Variants in PAPPA2 observed in about 807,000 individuals in gnomAD.
The protein encoded by PAPPA2 is pappalysin 2.
A neutral mutation model predicts 176.4 loss-of-function variants in PAPPA2; 86 were observed. The observed-to-expected ratio is 0.49, with a 90% confidence interval of 0.41 to 0.58. The LOEUF is 0.58. Ranked by LOEUF, PAPPA2 falls within the 20% of genes least tolerant of loss-of-function variation. The pLI, the probability that PAPPA2 is intolerant of heterozygous loss-of-function variation, is 0.00. For synonymous variants in PAPPA2, 809 were observed against 852.2 expected (o/e 0.95, Z 0.88); for missense variants, 2,073 against 2,256.9 (o/e 0.92, Z 1.65).
intron 3 of PAPPA2, among the ~76,000 whole-genome samples, chr1:176,626,868 C>G (rs2102702247): frequency 6.7e-6 from 1 of 149,302 alleles, no homozygotes; most frequent in South Asian, 2.1e-4. Flanking sequence ...GTGTGAACAG[C>G]TGAAGATATA....
chr1:176,651,283 A>T (rs1657705330), intron 3 of PAPPA2, among the ~76,000 whole-genome samples: 1 of 151,110 alleles, frequency 6.6e-6, no homozygotes, highest in Non-Finnish European at 1.5e-5. Flanking sequence ...AGACGGAAGA[A>T]CTCTTTAGCA....
intron 3 of PAPPA2, among the ~76,000 whole-genome samples, chr1:176,665,553 T>C (rs1658593542): frequency 6.6e-6 from 1 of 152,204 alleles, no homozygotes; most frequent in Non-Finnish European, 1.5e-5. Context: ...TATTAGGACT[T>C]AAAGTAGAAC....
chr1:176,681,363 C>A (rs980765065), intron 4 of PAPPA2, among the ~76,000 whole-genome samples: 2 of 152,102 alleles, frequency 1.3e-5, no homozygotes, highest in South Asian at 4.1e-4. Context: ...CAGGTGCATG[C>A]GACTTGAGGA....
chr1:176,679,392 A>C (rs1659467905), intron 4 of PAPPA2, among the ~76,000 whole-genome samples: 1 of 151,990 alleles, frequency 6.6e-6, no homozygotes, highest in Non-Finnish European at 1.5e-5. Flanking sequence ...AATACCCCCA[A>C]ATACCCCAAA....
chr1:176,506,891 T>G (rs1355823127), intron 1 of PAPPA2, among the ~76,000 whole-genome samples: 1 of 152,052 alleles, frequency 6.6e-6, no homozygotes, highest in East Asian at 1.9e-4. Context: ...TGGCGAGAAA[T>G]TTTTGGCTAA....
chr1:176,693,947 C>T (rs1001275364), intron 6 of PAPPA2, among the ~76,000 whole-genome samples: 4 of 152,144 alleles, frequency 2.6e-5, no homozygotes, highest in Non-Finnish European at 5.9e-5. Flanking sequence ...ACAAACGTTA[C>T]GATAAAGCAG....
intron 11 of PAPPA2, among the ~76,000 whole-genome samples, chr1:176,710,427 A>G (rs1321928298): frequency 2.0e-5 from 3 of 152,202 alleles, no homozygotes; most frequent in Non-Finnish European, 4.4e-5. Flanking sequence ...GCACTGTTTC[A>G]GTGGTTTACT....
chr1:176,659,925 A>G (rs1347816470), intron 3 of PAPPA2, among the ~76,000 whole-genome samples: 2 of 152,028 alleles, frequency 1.3e-5, no homozygotes, highest in African/African-American at 2.4e-5. Flanking sequence ...ATTGGCCCCA[A>G]TTTTTTCCTC....
At chr1:176,484,695 G>A (rs1334588662) in intron 1 of PAPPA2, among the ~76,000 whole-genome samples, 2 of 152,060 alleles carry the variant, frequency 1.3e-5, no homozygotes, top group Non-Finnish European at 2.9e-5. Context: ...ATTTCTTCTT[G>A]GTCGTTTCTT....
chr1:176,656,731 C>T (rs1009271168), intron 3 of PAPPA2, among the ~76,000 whole-genome samples: 1 of 151,660 alleles, frequency 6.6e-6, no homozygotes, highest in African/African-American at 2.4e-5. Context: ...TCTTCAAATC[C>T]TGTTTTCAAG....
At chr1:176,817,275 C>T (rs1375540603) in intron 21 of PAPPA2, among the ~76,000 whole-genome samples, 1 of 152,094 alleles carries the variant, frequency 6.6e-6, no homozygotes, top group Non-Finnish European at 1.5e-5. Context: ...GAGCACAGGG[C>T]ACAGGAGTTT....
chr1:176,818,462 C>T (rs542441563), intron 21 of PAPPA2, among the ~76,000 whole-genome samples: 15 of 152,276 alleles, frequency 9.9e-5, no homozygotes, highest in African/African-American at 2.6e-4. Flanking sequence ...CAACATCTGC[C>T]GTCCGGTTGC....
chr1:176,606,252 A>T (rs1362439914), intron 3 of PAPPA2, among the ~76,000 whole-genome samples: 7 of 152,176 alleles, frequency 4.6e-5, no homozygotes, highest in Admixed American at 4.6e-4. Flanking sequence ...TTAAACTCTG[A>T]CTTCAGAGCC....
intron 2 of PAPPA2, among the ~76,000 whole-genome samples, chr1:176,565,767 T>C (rs139784118): frequency 6.7e-6 from 1 of 148,508 alleles, no homozygotes; most frequent in Non-Finnish European, 1.5e-5. Context: ...CTGAGAATAC[T>C]TCAGTGGTCT....
intron 1 of PAPPA2, among the ~76,000 whole-genome samples, chr1:176,554,786 G>A (rs1270113237): frequency 1.3e-5 from 2 of 152,146 alleles, no homozygotes; most frequent in Non-Finnish European, 2.9e-5. Flanking sequence ...CAGGATACTT[G>A]ATTTCTCCTT....
intron 1 of PAPPA2, among the ~76,000 whole-genome samples, chr1:176,500,506 T>G (rs1263227207): frequency 6.7e-6 from 1 of 148,296 alleles, no homozygotes; most frequent in African/African-American, 2.4e-5. Context: ...TATAATTTAT[T>G]TATACATTTA....
At chr1:176,796,700 CTTTCTTTCTT>C (rs1362875095) in intron 20 of PAPPA2, among the ~76,000 whole-genome samples, 3 of 142,090 alleles carry the variant, frequency 2.1e-5, no homozygotes, top group Non-Finnish European at 3.1e-5. Flanking sequence ...TTCTTTCTCT[CTTTCTTTCTT>C]TTTCTTTCTT....
chr1:176,735,964 A>G (rs1473014124), intron 12 of PAPPA2, among the ~76,000 whole-genome samples: 1 of 152,112 alleles, frequency 6.6e-6, no homozygotes, highest in African/African-American at 2.4e-5. Context: ...GCTTAAATTA[A>G]TTTTACATTG....
intron 4 of PAPPA2, among the ~76,000 whole-genome samples, chr1:176,676,342 G>T (rs1387652286): frequency 1.3e-5 from 2 of 152,088 alleles, no homozygotes; most frequent in East Asian, 1.9e-4. Flanking sequence ...AATGGCAAAA[G>T]TGTCCTTCAG....
Sources: gnomAD v4.1 joint callset for allele counts (sites outside exome capture counted in the v4.1 genomes callset) on GRCh38, gnomAD v4.1.1 for gene constraint, MANE v1.5 for transcripts, NCBI Gene and HGNC (gene_info 2026-07-23, HGNC 2026-07-21) for gene names.